The following DPP10 variants were observed in gnomAD, a reference collection of about 807,000 sequenced individuals.
The protein encoded by DPP10 is inactive dipeptidyl peptidase 10.
Under a neutral mutation model 120.9 loss-of-function variants are expected in DPP10, and 33 were observed. The observed-to-expected ratio is 0.27, with a 90% CI of 0.21 to 0.37. The LOEUF (loss-of-function observed/expected upper bound fraction) is 0.37, where lower values mean the gene tolerates loss of function less well. Among genes scored for constraint, DPP10 ranks in the 10% least tolerant of loss-of-function variants. DPP10 has a pLI of 1.00. For synonymous variants in DPP10, 337 were observed against 326.1 expected, an observed-to-expected ratio of 1.03 and a Z score of -0.36; for missense variants, 816 against 942.8, an observed-to-expected ratio of 0.87 and a Z score of 1.76.
chr2:115,830,787 T>TAA (rs1420778852), intron 21 of DPP10, among the ~76,000 whole-genome samples: 2 of 152,032 alleles, frequency 1.3e-5, no homozygotes, highest in African/African-American at 4.8e-5. Flanking sequence ...GAGAAGGCAA[T>TAA]GTAAGGAGAT....
intron 1 of DPP10, among the ~76,000 whole-genome samples, chr2:115,101,232 T>C (rs936120717): frequency 2.0e-5 from 3 of 152,168 alleles, no homozygotes; most frequent in Admixed American, 1.3e-4. Flanking sequence ...ATTCCATCTT[T>C]TGATGGATTT....
At chr2:115,008,001 C>A (rs1701979740) in intron 1 of DPP10, among the ~76,000 whole-genome samples, 1 of 151,542 alleles carries the variant, frequency 6.6e-6, no homozygotes, top group Non-Finnish European at 1.5e-5. Flanking sequence ...GGCCATACTG[C>A]CCAAGGTAAT....
intron 1 of DPP10, among the ~76,000 whole-genome samples, chr2:114,600,191 G>T (rs1692251500): frequency 6.6e-6 from 1 of 150,978 alleles, no homozygotes; most frequent in Non-Finnish European, 1.5e-5. Context: ...GTGACCCAGG[G>T]GTCACTTAGA....
intron 3 of DPP10, among the ~76,000 whole-genome samples, chr2:115,402,034 C>G (rs1252485984): frequency 2.6e-5 from 4 of 152,242 alleles, no homozygotes; most frequent in African/African-American, 9.6e-5. Flanking sequence ...GTATACCATC[C>G]TAAATGTCCC....
intron 1 of DPP10, among the ~76,000 whole-genome samples, chr2:114,446,224 T>G (rs965895290): frequency 6.6e-6 from 1 of 152,202 alleles, no homozygotes; most frequent in African/African-American, 2.4e-5. Flanking sequence ...TTCAGCTAAA[T>G]CTCTGATCTT....
chr2:115,698,399 G>A (rs12711830), intron 7 of DPP10, among the ~76,000 whole-genome samples: 19,888 of 152,122 alleles, frequency 0.13, 1,596 homozygotes, highest in African/African-American at 0.22. Flanking sequence ...TTACTGCTGT[G>A]GAATTAATGG....
chr2:114,717,605 T>G (rs1701434215), intron 1 of DPP10, among the ~76,000 whole-genome samples: 1 of 152,214 alleles, frequency 6.6e-6, no homozygotes, highest in African/African-American at 2.4e-5. Context: ...CTAGATTATA[T>G]TCTTGGAGAA....
chr2:115,317,344 C>T (rs1324806544), intron 2 of DPP10, among the ~76,000 whole-genome samples: 1 of 152,134 alleles, frequency 6.6e-6, no homozygotes, highest in Admixed American at 6.6e-5. Flanking sequence ...GAAGTTCATC[C>T]ACCAAGTCAC....
intron 3 of DPP10, among the ~76,000 whole-genome samples, chr2:115,370,507 A>G (rs571643572): frequency 1.3e-4 from 20 of 152,228 alleles, no homozygotes; most frequent in Non-Finnish European, 2.1e-4. Flanking sequence ...GGACTGGTAC[A>G]CTGGTCTCAA....
chr2:114,534,230 C>T (rs1160277602), intron 1 of DPP10, among the ~76,000 whole-genome samples: 2 of 152,062 alleles, frequency 1.3e-5, no homozygotes, highest in Non-Finnish European at 2.9e-5. Flanking sequence ...TGAATCATAG[C>T]TTTATGTTCC....
At chr2:115,715,066 G>A (rs1469177240) in intron 7 of DPP10, among the ~76,000 whole-genome samples, 1 of 147,806 alleles carries the variant, frequency 6.8e-6, no homozygotes, top group Non-Finnish European at 1.5e-5. Flanking sequence ...AAAGCCAGGC[G>A]CAGTGGCTCA....
At chr2:115,255,784 G>A (rs1469621528) in intron 1 of DPP10, among the ~76,000 whole-genome samples, 2 of 152,112 alleles carry the variant, frequency 1.3e-5, no homozygotes, top group South Asian at 2.1e-4. Flanking sequence ...TGGCCTGGGC[G>A]TCATTGTCCA....
At chr2:114,577,342 C>CG (rs1223692570) in intron 1 of DPP10, among the ~76,000 whole-genome samples, 1 of 152,134 alleles carries the variant, frequency 6.6e-6, no homozygotes, top group African/African-American at 2.4e-5. Flanking sequence ...TGTTTGTTTG[C>CG]GAGTTCCCTT....
chr2:114,772,758 C>A (rs1259370797), intron 1 of DPP10, among the ~76,000 whole-genome samples: 1 of 151,846 alleles, frequency 6.6e-6, no homozygotes. Flanking sequence ...TGGTGGCTAA[C>A]CATGAATTGT....
rs145882015 is a variant in DPP10 at position 114,969,172 on chromosome 2, G to A, written c.61-340067G>A. Among the ~76,000 whole-genome samples, 352 of 152,246 alleles carry A rather than the reference G, an allele frequency of 2.3e-3. 4 individuals carry two copies. The highest frequency in any genetic ancestry group is 8.1e-3 in the African/African-American group (337 of 41,542). On this transcript the variant is annotated intron_variant, in intron 1 of 25. Transcript: ENST00000410059. ...ATTTTGGTGTAGTTTCAACACTTCT[G>A]GCTGATGTCATATACTTGTCACACA...
chr2:115,518,925 A>G (rs767344638), intron 4 of DPP10, among the ~76,000 whole-genome samples: 14 of 152,262 alleles, frequency 9.2e-5, no homozygotes, highest in Middle Eastern at 3.4e-3. Context: ...AAATATATAT[A>G]TACTTGATAT....
chr2:115,204,868 G>C (rs951073372), intron 1 of DPP10, among the ~76,000 whole-genome samples: 1 of 152,054 alleles, frequency 6.6e-6, no homozygotes, highest in African/African-American at 2.4e-5. Flanking sequence ...ATTTTTTCAT[G>C]TTTCTTTGGC....
At chr2:114,783,202 T>C (rs1277170939) in intron 1 of DPP10, among the ~76,000 whole-genome samples, 2 of 151,982 alleles carry the variant, frequency 1.3e-5, no homozygotes, top group African/African-American at 2.4e-5. Context: ...TTATTGGAAA[T>C]ATAAAACTGC....
intron 9 of DPP10, among the ~76,000 whole-genome samples, chr2:115,745,511 G>A (rs916038883): frequency 1.3e-5 from 2 of 150,482 alleles, no homozygotes; most frequent in Non-Finnish European, 2.9e-5. Flanking sequence ...CCCAAGGGTT[G>A]TCAATTATGC....
Sources: allele counts gnomAD v4.1 joint callset (sites outside exome capture counted in the v4.1 genomes callset), GRCh38; gene constraint gnomAD v4.1.1; transcripts MANE v1.5; gene names NCBI Gene and HGNC (gene_info 2026-07-23, HGNC 2026-07-21).